The following TRPM8 variants were observed in gnomAD, a reference collection of about 807,000 sequenced individuals.
TRPM8 encodes the protein TRPM8 cationic channel.
Under a neutral mutation model 133.7 loss-of-function variants are expected in TRPM8, and 110 were observed. The ratio of observed to expected loss-of-function variants is 0.82; its 90% CI spans 0.70 to 0.96. The LOEUF is 0.96. Ranked by LOEUF, TRPM8 falls within the 40% of genes least tolerant of loss-of-function variation. The pLI is 0.00. For synonymous variants in TRPM8, 535 were observed against 532.3 expected (o/e 1.01, Z -0.07); for missense variants, 1,291 against 1,379.5 (o/e 0.94, Z 1.02).
rs923789976 is a variant in TRPM8, at chr2:233,985,825, ACCAACAT to A, written c.2902_2908del (p.Asn968CysfsTer56). The A allele has an allele frequency of 6.2e-7, 1 of 1,614,062 alleles. No individual in the cohort carries two copies. Among genetic ancestry groups the A allele is most frequent in the Non-Finnish European group, 8.5e-7 (1 of 1,179,998 alleles). On this transcript the variant is annotated frameshift_variant, in exon 21 of 26. Coordinates refer to ENST00000324695, the MANE Select transcript of TRPM8 (RefSeq NM_024080.5). LOFTEE classifies it high-confidence loss of function. ...CCTGGTGTGCATCTACATGTTATCC[ACCAACAT>A]CCTGCTGGTCAACCTGCTGGTCGCC... is the stretch of plus-strand genomic sequence containing the variant.
intron 21 of TRPM8, among the ~76,000 whole-genome samples, chr2:233,994,887 T>A (rs142852351): frequency 6.6e-6 from 1 of 152,346 alleles, no homozygotes; most frequent in East Asian, 1.9e-4. Flanking sequence ...AAGGGATGAT[T>A]TGATATTAGC....
chr2:233,945,884 A>G lies in TRPM8; in HGVS notation c.728A>G (p.Asp243Gly). The G allele has an allele frequency of 6.2e-7, 1 of 1,614,026 alleles. No individual in the cohort carries two copies. Among genetic ancestry groups the G allele is most frequent in the East Asian group, 2.2e-5 (1 of 44,876 alleles). ...TATTTTTTAGCCCAGTACCTTATGG[A>G]TGACTTCACAAGAGATCCACTGTAT... is the stretch of plus-strand genomic sequence containing the variant. Reference protein sequence around the residue: ...EGYFLAQYLMDDFTRDPLYIL... With the variant: ...EGYFLAQYLMGDFTRDPLYIL... Residue 243 changes from aspartate (D) to glycine (G), a missense_variant, in exon 7 of 26, where the codon GAT (aspartate) becomes GGT (glycine). Around this residue, in one of 2 missense-constraint regions of TRPM8, gnomAD observed 963 missense variants for 968.9 expected, o/e 0.99. Transcript: ENST00000324695.
intron 21 of TRPM8, among the ~76,000 whole-genome samples, chr2:233,987,427 A>C (rs1159890771): frequency 6.6e-6 from 1 of 152,240 alleles, no homozygotes; most frequent in East Asian, 1.9e-4. Flanking sequence ...CAATTGTCAA[A>C]TAGAGCCCTG....
At chr2:234,011,227 C>G (rs1692828921) in intron 24 of TRPM8, among the ~76,000 whole-genome samples, 1 of 152,280 alleles carries the variant, frequency 6.6e-6, no homozygotes, top group East Asian at 1.9e-4. Flanking sequence ...TTATTGAAGA[C>G]TTTCCTTTCC....
At position 233,983,059 on chromosome 2, in the gene TRPM8, G is replaced by A. The variant is rs748056798; in HGVS notation, c.2596G>A (p.Asp866Asn). ...TCCTGTCCTCCCCTGACAGCTGATC[G>A]ATGTGTTCTTCTTCCTGTTCCTCTT... is the stretch of plus-strand genomic sequence containing the variant. ...KIIMLQRMLI[D>N]VFFFLFLFAV... The change falls in exon 20 of 26, where the codon GAT becomes AAT. Residue 866 changes from aspartate (D) to asparagine (N), a missense_variant. Around this residue, in one of 2 missense-constraint regions of TRPM8, gnomAD observed 328 missense variants for 410.6 expected, o/e 0.80. Coordinates refer to ENST00000324695, the MANE Select transcript of TRPM8 (RefSeq NM_024080.5). The A allele has an allele frequency of 1.2e-6, 2 of 1,612,412 alleles. No homozygotes were observed. The highest frequency in any genetic ancestry group is 1.1e-5 in the South Asian group (1 of 91,040).
In TRPM8 at chr2:233,947,115, TTG is replaced by T; in HGVS notation, c.908_909del (p.Cys303PhefsTer20). 3.7e-6 allele frequency: 6 copies of T among 1,614,088 alleles called. No individual in the cohort carries two copies. The highest frequency in any genetic ancestry group is 5.1e-6 in the Non-Finnish European group (6 of 1,179,946). ...TCCAACTATGGTGGCAAGATCCCCATTGTGTGTTTTGCCCAAGGAGGTGGAAA... is the reference window on the plus strand; with the variant it reads ...TCCAACTATGGTGGCAAGATCCCCATTGTGTTTTGCCCAAGGAGGTGGAAA... On this transcript the variant is annotated frameshift_variant, in exon 8 of 26. Transcript: ENST00000324695. LOFTEE classifies it high-confidence loss of function.
At chr2:233,937,733 C>G (rs1436843733) in intron 4 of TRPM8, among the ~76,000 whole-genome samples, 1 of 152,180 alleles carries the variant, frequency 6.6e-6, no homozygotes, top group South Asian at 2.1e-4. Context: ...ATCACCTAGC[C>G]TCCTGTGTCC....
chr2:234,007,817 C>T (rs948457401), intron 23 of TRPM8, among the ~76,000 whole-genome samples: 2 of 152,204 alleles, frequency 1.3e-5, no homozygotes, highest in Non-Finnish European at 2.9e-5. Flanking sequence ...CTTACAAGTC[C>T]TTTTCCACCG....
At chr2:233,934,436 T>C (rs1178780507) in intron 3 of TRPM8, among the ~76,000 whole-genome samples, 1 of 152,254 alleles carries the variant, frequency 6.6e-6, no homozygotes, top group Non-Finnish European at 1.5e-5. Flanking sequence ...CTTGAGCCTG[T>C]CAATTATGAA....
intron 4 of TRPM8, 92 bp from the exon 5 acceptor site, chr2:233,938,906 C>T (rs1690829935): frequency 1.6e-5 from 23 of 1,420,966 alleles, no homozygotes; most frequent in Non-Finnish European, 1.9e-5. Context: ...TAGAAGCAGG[C>T]AAGCGTGGGC....
intron 17 of TRPM8, among the ~76,000 whole-genome samples, chr2:233,978,923 T>C (rs1691938394): frequency 6.6e-6 from 1 of 152,168 alleles, no homozygotes; most frequent in African/African-American, 2.4e-5. Context: ...TCTTGAGAAA[T>C]TAATGATGTG....
In TRPM8 at chr2:233,964,868, C is replaced by G. The variant is rs982332197; in HGVS notation, c.1879+111C>G. On this transcript the variant is annotated intron_variant, in intron 14 of 25. Transcript: ENST00000324695. The stretch of plus-strand genomic sequence containing the variant: ...TGGAGGTCCGTGGCATGTCCAAGCT[C>G]CCCAGTCTGATTGAGGGCTGCAGAC... 11 of 1,202,062 alleles carry G rather than the reference C, an allele frequency of 9.2e-6. No individual in the cohort carries two copies. The African/African-American group carries it at 1.5e-4, about 16-fold the overall frequency. The allele number at this position is 1,202,062 out of a possible 1,614,324, so 74.5% of individuals were successfully genotyped here. A position where few individuals can be genotyped will look rare whatever the true frequency, so the allele number is the denominator to read the frequency against.
Position 233,961,198 on chromosome 2 carries a change from T to A in TRPM8, c.1653+132T>A, listed in dbSNP as rs1691429225. On this transcript the variant is annotated intron_variant, in intron 12 of 25. Coordinates refer to ENST00000324695, the MANE Select transcript of TRPM8 (RefSeq NM_024080.5). ...AACACACTGACAATGTTAATTTTTT[T>A]AACTCCCTTTATTTAAGATAAGGTG... The A allele has an allele frequency of 3.2e-5, 28 of 868,104 alleles. 2 individuals carry two copies. The South Asian group carries it at 5.1e-4, about 16-fold the overall frequency. 53.8% of individuals were successfully genotyped at this position (868,104 alleles called of 1,614,324 possible). A position where few individuals can be genotyped will look rare whatever the true frequency, so the allele number is the denominator to read the frequency against.
chr2:233,999,282 T>G (rs769422677), intron 22 of TRPM8, among the ~76,000 whole-genome samples: 1 of 151,378 alleles, frequency 6.6e-6, no homozygotes, highest in Non-Finnish European at 1.5e-5. Context: ...CAGTGCCGGC[T>G]GGCCAGCAGC....
intron 21 of TRPM8, among the ~76,000 whole-genome samples, chr2:233,994,890 A>G (rs1692366093): frequency 6.6e-6 from 1 of 152,220 alleles, no homozygotes; most frequent in Admixed American, 6.5e-5. Flanking sequence ...GGATGATTTG[A>G]TATTAGCAAT....
intron 1 of TRPM8, among the ~76,000 whole-genome samples, chr2:233,918,402 A>G (rs1448432088): frequency 1.3e-5 from 2 of 151,574 alleles, no homozygotes. Context: ...AATTATCACT[A>G]TCTTTGTTTT....
chr2:233,991,592 T>A (rs1692279616), intron 21 of TRPM8, among the ~76,000 whole-genome samples: 1 of 152,220 alleles, frequency 6.6e-6, no homozygotes, highest in Non-Finnish European at 1.5e-5. Flanking sequence ...GGGAATTAGC[T>A]GACAAGTTTC....
intron 5 of TRPM8, among the ~76,000 whole-genome samples, chr2:233,941,961 C>T (rs1204592264): frequency 6.6e-6 from 1 of 151,484 alleles, no homozygotes; most frequent in African/African-American, 2.4e-5. Flanking sequence ...TCTGGTTAGA[C>T]ATTCATTGTC....
Position 233,938,530 on chromosome 2 carries a change from A to G in TRPM8, c.349-468A>G, listed in dbSNP as rs138035935. Among the ~76,000 whole-genome samples the G allele has an allele frequency of 2.8e-3, 428 of 152,334 alleles. 8 individuals are homozygous for G. The East Asian group carries it at 0.056, about 20-fold the overall frequency. The stretch of plus-strand genomic sequence containing the variant: ...AGGGAGACATGAGACATTAATCAAC[A>G]TATGTAAGATGAACGCTGGTTCCTT... On this transcript the variant is annotated intron_variant, in intron 4 of 25. Transcript: ENST00000324695.
Sources: allele counts gnomAD v4.1 joint callset (sites outside exome capture counted in the v4.1 genomes callset), GRCh38; gene constraint gnomAD v4.1.1; regional missense constraint gnomAD v4.1.1; transcripts MANE v1.5; gene names NCBI Gene and HGNC (gene_info 2026-07-23, HGNC 2026-07-21).